The following CACNB2 variants were observed in gnomAD, a reference collection of about 807,000 sequenced individuals.
CACNB2 encodes voltage-dependent L-type calcium channel subunit beta-2.
In CACNB2, 42 loss-of-function variants were observed where a neutral mutation model predicts 73.3. That is an observed-to-expected ratio of 0.57 (90% confidence interval 0.45 to 0.74). The LOEUF (loss-of-function observed/expected upper bound fraction) is 0.74, where lower values mean the gene tolerates loss of function less well. Among genes scored for constraint, CACNB2 ranks in the 30% least tolerant of loss-of-function variants. The pLI, the probability that CACNB2 is intolerant of heterozygous loss-of-function variation, is 0.00. For missense variants in CACNB2, 940 were observed against 853.0 expected (o/e 1.10, Z -1.27); for synonymous variants, 348 against 310.3 (o/e 1.12, Z -1.28).
chr10:18,396,411 C>G (rs1398875516), intron 2 of CACNB2, among the ~76,000 whole-genome samples: 1 of 152,196 alleles, frequency 6.6e-6, no homozygotes, highest in Non-Finnish European at 1.5e-5. Flanking sequence ...TCCCTTCCCC[C>G]ACAGACAATA....
intron 2 of CACNB2, among the ~76,000 whole-genome samples, chr10:18,226,233 C>T (rs1020816874): frequency 1.3e-5 from 2 of 151,936 alleles, no homozygotes; most frequent in Non-Finnish European, 2.9e-5. Flanking sequence ...TGCCATGTTG[C>T]CCAGGCTAAT....
At chr10:18,148,370 A>G (rs937451057) in intron 1 of CACNB2, among the ~76,000 whole-genome samples, 2 of 152,212 alleles carry the variant, frequency 1.3e-5, no homozygotes, top group African/African-American at 4.8e-5. Flanking sequence ...CTATCTTAGT[A>G]CAGTTGAAAA....
At chr10:18,441,446 C>T (rs1053651675) in intron 3 of CACNB2, among the ~76,000 whole-genome samples, 3 of 152,084 alleles carry the variant, frequency 2.0e-5, no homozygotes, top group Non-Finnish European at 4.4e-5. Context: ...ATACGGCTTC[C>T]TTGATGGGGT....
chr10:18,414,071 A>T (rs545056374), intron 3 of CACNB2, among the ~76,000 whole-genome samples: 1 of 152,352 alleles, frequency 6.6e-6, no homozygotes, highest in Admixed American at 6.5e-5. Context: ...TAGATTTGAG[A>T]TGTCCAGGGA....
chr10:18,327,055 C>T (rs767536485), intron 2 of CACNB2, among the ~76,000 whole-genome samples: 4 of 151,886 alleles, frequency 2.6e-5, no homozygotes, highest in Non-Finnish European at 4.4e-5. Context: ...TTTAAGCATT[C>T]CCATAGGCCA....
At chr10:18,272,012 T>G (rs2131646031) in intron 2 of CACNB2, among the ~76,000 whole-genome samples, 1 of 152,256 alleles carries the variant, frequency 6.6e-6, no homozygotes, top group Middle Eastern at 3.4e-3. Flanking sequence ...TCTTACCATT[T>G]TTTTCTTTCT....
At position 18,474,562 on chromosome 10, in the gene CACNB2, G is replaced by A. The variant is rs368314221; in HGVS notation, c.334-23793G>A. ...TCCTAGGGGTTGTGTTCCCACACAC[G>A]CACTTTCTCCTTAGTAACAGCGCAC... On this transcript the variant is annotated intron_variant, in intron 3 of 13. Transcript: ENST00000324631. 2.1e-4 allele frequency among the ~76,000 whole-genome samples: 32 copies of A among 152,224 alleles called. No individual in the cohort carries two copies. The East Asian group carries it at 2.9e-3, about 14-fold the overall frequency.
intron 3 of CACNB2, among the ~76,000 whole-genome samples, chr10:18,449,458 G>T (rs908112701): frequency 6.6e-6 from 1 of 152,126 alleles, no homozygotes; most frequent in Non-Finnish European, 1.5e-5. Context: ...GCAACAAGTC[G>T]GGAGGAACTT....
At chr10:18,153,393 T>C (rs2031764960) in intron 2 of CACNB2, among the ~76,000 whole-genome samples, 1 of 152,030 alleles carries the variant, frequency 6.6e-6, no homozygotes, top group Non-Finnish European at 1.5e-5. Context: ...AAGTTGTATT[T>C]CTCCTTTGGT....
intron 2 of CACNB2, among the ~76,000 whole-genome samples, chr10:18,235,809 T>A (rs1275698293): frequency 6.6e-6 from 1 of 151,970 alleles, no homozygotes; most frequent in Non-Finnish European, 1.5e-5. Context: ...TGGATTTGTG[T>A]CCCCACCCAA....
At chr10:18,372,026 C>T (rs2042607250) in intron 2 of CACNB2, among the ~76,000 whole-genome samples, 1 of 152,188 alleles carries the variant, frequency 6.6e-6, no homozygotes, top group Non-Finnish European at 1.5e-5. Flanking sequence ...TGTTCATATC[C>T]TTCGCCCACT....
intron 3 of CACNB2, among the ~76,000 whole-genome samples, chr10:18,430,173 G>T (rs1230262915): frequency 6.6e-6 from 1 of 150,428 alleles, no homozygotes; most frequent in African/African-American, 2.4e-5. Context: ...TACTAGGGAA[G>T]AAGAAACCGT....
At chr10:18,151,225 A>G in intron 2 of CACNB2, 1 of 416,266 alleles carries the variant, frequency 2.4e-6, no homozygotes, top group Non-Finnish European at 4.2e-6. Context: ...GATTTCTTTG[A>G]AACAGTGAGA....
At chr10:18,403,288 A>G (rs2044104906) in intron 3 of CACNB2, among the ~76,000 whole-genome samples, 1 of 152,232 alleles carries the variant, frequency 6.6e-6, no homozygotes, top group Admixed American at 6.5e-5. Context: ...CACGTAGAAC[A>G]TTGTGAAGTT....
chr10:18,275,315 C>T (rs1018386683), intron 2 of CACNB2, among the ~76,000 whole-genome samples: 1 of 152,172 alleles, frequency 6.6e-6, no homozygotes, highest in Non-Finnish European at 1.5e-5. Context: ...GAACTCATTT[C>T]CCAACTTTAT....
rs2041215345 is a variant in CACNB2 at position 18,341,055 on chromosome 10, G to A, written c.214-60869G>A. On this transcript the variant is annotated intron_variant, in intron 2 of 13. Coordinates refer to ENST00000324631, the MANE Select transcript of CACNB2 (RefSeq NM_201596.3). Reference sequence around the variant, plus strand: ...CAGGAATGCATAGAACTGTTGCCGAGCTTGAGCTAAAATCATACTAGTTAC... The same window carrying A: ...CAGGAATGCATAGAACTGTTGCCGAACTTGAGCTAAAATCATACTAGTTAC... The A allele has an allele frequency of 6.2e-6, 9 of 1,452,494 alleles. No homozygotes were observed. In the East Asian group the frequency reaches 2.0e-4, roughly 33 times the overall value. The allele number at this position is 1,452,494 out of a possible 1,614,324, so 90.0% of individuals were successfully genotyped here. A position where few individuals can be genotyped will look rare whatever the true frequency, so the allele number is the denominator to read the frequency against.
chr10:18,299,190 C>G (rs1031570058), intron 2 of CACNB2, among the ~76,000 whole-genome samples: 9 of 151,618 alleles, frequency 5.9e-5, no homozygotes, highest in African/African-American at 2.2e-4. Flanking sequence ...CTAGGAGCAC[C>G]AGAAGTCGCA....
chr10:18,279,544 T>G (rs540914899), intron 2 of CACNB2, among the ~76,000 whole-genome samples: 45 of 152,350 alleles, frequency 3.0e-4, no homozygotes, highest in African/African-American at 1.1e-3. Flanking sequence ...TTGCATATAA[T>G]ATGCCAGAGT....
intron 2 of CACNB2, among the ~76,000 whole-genome samples, chr10:18,283,341 C>A (rs1377925493): frequency 3.9e-5 from 6 of 152,104 alleles, no homozygotes; most frequent in Non-Finnish European, 7.4e-5. Flanking sequence ...AAGGATTATA[C>A]GTCATGCTGC....
Sources: allele counts gnomAD v4.1 joint callset (sites outside exome capture counted in the v4.1 genomes callset), GRCh38; gene constraint gnomAD v4.1.1; transcripts MANE v1.5; gene names NCBI Gene and HGNC (gene_info 2026-07-23, HGNC 2026-07-21).